The following KCNC2 variants were observed in gnomAD, a reference collection of about 807,000 sequenced individuals.
The protein encoded by KCNC2 is potassium voltage-gated channel subfamily C member 2.
Under a neutral mutation model 44.5 loss-of-function variants are expected in KCNC2, and 21 were observed. The observed-to-expected ratio is 0.47, with a 90% CI of 0.33 to 0.68. KCNC2 has a LOEUF of 0.68. Among genes scored for constraint, KCNC2 ranks in the 30% least tolerant of loss-of-function variants. The probability of loss-of-function intolerance (pLI) is 0.01; values close to 1 mark genes in which losing one functional copy is unlikely to be tolerated. For missense variants in KCNC2, 589 were observed against 826.2 expected (o/e 0.71, Z 3.52); for synonymous variants, 391 against 339.1 (o/e 1.15, Z -1.68).
chr12:75,106,180 T>C (rs1378034615), intron 2 of KCNC2, among the ~76,000 whole-genome samples: 2 of 152,144 alleles, frequency 1.3e-5, no homozygotes, highest in African/African-American at 4.8e-5. Flanking sequence ...GATTTAAGAT[T>C]TAACCTTAGT....
Position 75,207,687 on chromosome 12 carries a change from G to A in KCNC2, c.297C>T (p.Gly99=), listed in dbSNP as rs1163091551. ...GGRASDHPGG[G]REFFFDRHPG... ...GGTGCCGGTCGAAGAAGAACTCGCG[G>A]CCGCCACCGGGATGGTCGCTGGCCC... Residue 99 remains glycine (G), a synonymous_variant, in exon 2 of 5, where the codon GGC becomes GGT. Transcript: ENST00000549446. This position sits in a 1 kb window ranked among gnomAD's most constrained non-coding sequence, Gnocchi z 4.1. The A allele has an allele frequency of 6.2e-7, 1 of 1,600,970 alleles. No homozygotes were observed. Among genetic ancestry groups the A allele is most frequent in the Admixed American group, 1.7e-5 (1 of 58,536 alleles).
At chr12:75,054,352 T>G (rs1881512594) in intron 2 of KCNC2, among the ~76,000 whole-genome samples, 1 of 152,000 alleles carries the variant, frequency 6.6e-6, no homozygotes, top group Non-Finnish European at 1.5e-5. Flanking sequence ...AACAAAAGTA[T>G]GCTTGACAAT....
intron 2 of KCNC2, among the ~76,000 whole-genome samples, chr12:75,167,796 C>T (rs980689796): frequency 1.4e-4 from 21 of 150,658 alleles, no homozygotes; most frequent in African/African-American, 4.1e-4. Context: ...TTTTTCTTTT[C>T]GTATAACCCC....
At position 75,177,032 on chromosome 12, in the gene KCNC2, T is replaced by TTATATATA. The variant is rs3073537; in HGVS notation, c.687+30257_687+30264dup. Among the ~76,000 whole-genome samples the TTATATATA allele has an allele frequency of 5.6e-4, 78 of 139,910 alleles. 1 individual carries two copies. Among genetic ancestry groups the TTATATATA allele is most frequent in the African/African-American group, 1.5e-3 (56 of 36,898 alleles). 91.8% of individuals were successfully genotyped at this position (139,910 alleles called of 152,430 possible). ...GGTAAGTGAAGTGATGCTGCAAGTT[T>TTATATATA]TATATATATATATATATATATATAT... On this transcript the variant is annotated intron_variant, in intron 2 of 4. Coordinates refer to ENST00000549446, the MANE Select transcript of KCNC2 (RefSeq NM_139137.4).
intron 2 of KCNC2, among the ~76,000 whole-genome samples, chr12:75,060,498 CTCTG>C (rs1446366355): frequency 2.0e-5 from 3 of 152,024 alleles, no homozygotes; most frequent in Non-Finnish European, 4.4e-5. Flanking sequence ...CAAGGTCTCT[CTCTG>C]TTGCCCAAGT....
chr12:75,205,598 T>G (rs766309087), intron 2 of KCNC2, among the ~76,000 whole-genome samples: 1 of 152,188 alleles, frequency 6.6e-6, no homozygotes, highest in Non-Finnish European at 1.5e-5. Flanking sequence ...ATAAGATGTA[T>G]TATGTTATCA....
chr12:75,105,468 T>A (rs1260318307), intron 2 of KCNC2, among the ~76,000 whole-genome samples: 1 of 152,016 alleles, frequency 6.6e-6, no homozygotes, highest in Non-Finnish European at 1.5e-5. Flanking sequence ...TATTTTCAGG[T>A]GAAGGATGTG....
intron 3 of KCNC2, 55 bp downstream of exon 3, chr12:75,050,335 G>A: frequency 7.9e-7 from 1 of 1,258,418 alleles, no homozygotes; most frequent in South Asian, 1.4e-5. Flanking sequence ...TTCTGCCTAA[G>A]GAACATACTG....
At chr12:75,181,820 C>T (rs954968546) in intron 2 of KCNC2, among the ~76,000 whole-genome samples, 1 of 150,700 alleles carries the variant, frequency 6.6e-6, no homozygotes, top group East Asian at 2.0e-4. Flanking sequence ...CAATAATAAG[C>T]CTGTGAAAGC....
intron 2 of KCNC2, among the ~76,000 whole-genome samples, chr12:75,165,961 G>T (rs964498039): frequency 1.3e-5 from 2 of 151,256 alleles, no homozygotes; most frequent in African/African-American, 4.8e-5. Context: ...CCAACCAAAA[G>T]ACAGAGATTG....
intron 2 of KCNC2, among the ~76,000 whole-genome samples, chr12:75,081,097 C>T (rs1353616369): frequency 5.1e-5 from 3 of 58,802 alleles, no homozygotes; most frequent in Non-Finnish European, 8.2e-5. Context: ...CTTCCTGTAA[C>T]GCTATACACT....
At chr12:75,181,822 T>C (rs1892592068) in intron 2 of KCNC2, among the ~76,000 whole-genome samples, 1 of 150,952 alleles carries the variant, frequency 6.6e-6, no homozygotes, top group African/African-American at 2.4e-5. Context: ...ATAATAAGCC[T>C]GTGAAAGCAT....
intron 2 of KCNC2, among the ~76,000 whole-genome samples, chr12:75,132,510 T>C (rs955899530): frequency 1.3e-5 from 2 of 152,224 alleles, no homozygotes; most frequent in East Asian, 1.9e-4. Flanking sequence ...TATAAAACTA[T>C]TGGAACAAAA....
At chr12:75,119,462 T>C (rs187397073) in intron 2 of KCNC2, among the ~76,000 whole-genome samples, 53 of 152,340 alleles carry the variant, frequency 3.5e-4, no homozygotes, top group African/African-American at 1.3e-3. Flanking sequence ...TATAATATTA[T>C]AATAATTGTT....
In KCNC2 at chr12:75,117,470, C is replaced by T. The variant is rs374507465; in HGVS notation, c.688-66153G>A. 7.9e-5 allele frequency among the ~76,000 whole-genome samples: 12 copies of T among 152,270 alleles called. No homozygotes were observed. In the East Asian group the frequency reaches 2.1e-3, roughly 27 times the overall value. ...AGTCTCATGGGTAGTCTCGAAGAGT[C>T]CAATAAATGGCTTTATAGTCAAAAG... is the stretch of plus-strand genomic sequence containing the variant. On this transcript the variant is annotated intron_variant, in intron 2 of 4. Coordinates refer to ENST00000549446, the MANE Select transcript of KCNC2 (RefSeq NM_139137.4).
intron 2 of KCNC2, among the ~76,000 whole-genome samples, chr12:75,106,517 A>T (rs1293529774): frequency 6.6e-6 from 1 of 152,180 alleles, no homozygotes; most frequent in Non-Finnish European, 1.5e-5. Flanking sequence ...GAGCAAAAGG[A>T]GGCATTATTA....
intron 2 of KCNC2, among the ~76,000 whole-genome samples, chr12:75,093,658 G>T (rs1171332377): frequency 6.6e-6 from 1 of 151,620 alleles, no homozygotes; most frequent in Non-Finnish European, 1.5e-5. Flanking sequence ...CCTTCATTTA[G>T]ATATGCTGAT....
At position 75,207,801 on chromosome 12, in the gene KCNC2, C is replaced by T. The variant is rs748401882; in HGVS notation, c.183G>A (p.Leu61=). 6 of 1,599,420 alleles carry T rather than the reference C, an allele frequency of 3.8e-6. No homozygotes were observed. Among genetic ancestry groups the T allele is most frequent in the South Asian group, 1.1e-5 (1 of 90,138 alleles). The change falls in exon 2 of 5, where the codon CTG becomes CTA. Residue 61 remains leucine (L), a synonymous_variant. Transcript: ENST00000549446. This position sits in a 1 kb window ranked among gnomAD's most constrained non-coding sequence, Gnocchi z 4.1. ...GDKLQPSPPP[L]SPPPRAPPLS... ...GCGGGGGCGCTCTCGGCGGCGGCGACAGTGGAGGCGGCGACGGCTGCAGCT... is the reference window on the plus strand; with the variant it reads ...GCGGGGGCGCTCTCGGCGGCGGCGATAGTGGAGGCGGCGACGGCTGCAGCT...
At chr12:75,173,791 A>G in intron 2 of KCNC2, among the ~76,000 whole-genome samples, 1 of 151,872 alleles carries the variant, frequency 6.6e-6, no homozygotes, top group East Asian at 1.9e-4. Context: ...TTACTGCAAT[A>G]CTCTTCATGT....
Sources: gnomAD v4.1 joint callset for allele counts (sites outside exome capture counted in the v4.1 genomes callset) on GRCh38, gnomAD v4.1.1 for gene constraint, Gnocchi (gnomAD v3.1) non-coding constraint, MANE v1.5 for transcripts, NCBI Gene and HGNC (gene_info 2026-07-23, HGNC 2026-07-21) for gene names.